Variants in NPIPB11 observed in about 807,000 individuals in gnomAD.
NPIPB11 encodes the protein nuclear pore complex-interacting protein family member B11.
A neutral mutation model predicts 32.8 loss-of-function variants in NPIPB11; 17 were observed. The ratio of observed to expected loss-of-function variants is 0.52; its 90% CI spans 0.35 to 0.78. NPIPB11 has a LOEUF of 0.78. Among genes scored for constraint, NPIPB11 ranks in the 30% least tolerant of loss-of-function variants. NPIPB11 has a pLI of 0.01. For missense variants in NPIPB11, 537 were observed against 1,000.4 expected (o/e 0.54, Z 6.25); for synonymous variants, 209 against 398.4 (o/e 0.52, Z 5.66).
At chr16:29,390,478 C>A (rs549576671) in intron 3 of NPIPB11, 130 bp from the exon 4 acceptor site, 12 of 1,418,488 alleles carry the variant, frequency 8.5e-6, no homozygotes, top group East Asian at 6.9e-5. Flanking sequence ...GATGGTGAAA[C>A]CCCATCTCTA....
chr16:29,382,324 G>T (rs765424509), exon 8 of NPIPB11: 1 of 1,562,274 alleles, frequency 6.4e-7, no homozygotes, highest in Admixed American at 1.8e-5. Flanking sequence ...ATTATCATCT[G>T]CTGAGGGTGG....
At chr16:29,396,759 C>G (rs1198871003) in intron 2 of NPIPB11, among the ~76,000 whole-genome samples, 2 of 149,704 alleles carry the variant, frequency 1.3e-5, no homozygotes, top group Non-Finnish European at 3.0e-5. Flanking sequence ...GAAACTGTCT[C>G]AAAAAAATAA....
intron 3 of NPIPB11, 25 bp downstream of exon 3, chr16:29,393,923 C>T (rs1003356266): frequency 1.3e-6 from 2 of 1,535,500 alleles, no homozygotes; most frequent in African/African-American, 2.8e-5. Flanking sequence ...ACAAGTATAC[C>T]TCTACAGAAA....
intron 2 of NPIPB11, among the ~76,000 whole-genome samples, chr16:29,402,694 C>CACTG (rs1964019947): frequency 8.9e-6 from 1 of 111,744 alleles, no homozygotes; most frequent in Non-Finnish European, 1.9e-5. Context: ...CAGAGTGAAA[C>CACTG]TCTGTCTCTC....
intron 2 of NPIPB11, among the ~76,000 whole-genome samples, chr16:29,401,116 C>T (rs112652568): frequency 0.05 from 7,632 of 152,148 alleles, 238 homozygotes; most frequent in South Asian, 0.067. Context: ...AATACATGCA[C>T]GACACGGGGG....
At chr16:29,405,895 G>A (rs1219294500), upstream of NPIPB11, among the ~76,000 whole-genome samples, 11 of 152,206 alleles carry the variant, frequency 7.2e-5, no homozygotes, top group African/African-American at 2.2e-4. Context: ...TTCCTGTGTC[G>A]ATTCAATTCA....
chr16:29,393,318 T>C (rs1345748115), intron 3 of NPIPB11, among the ~76,000 whole-genome samples: 1 of 151,600 alleles, frequency 6.6e-6, no homozygotes, highest in Admixed American at 6.6e-5. Context: ...CTCGTCCCTA[T>C]GACCTCAGAG....
intron 3 of NPIPB11, among the ~76,000 whole-genome samples, chr16:29,391,410 GCTCT>G (rs1963720327): frequency 1.4e-5 from 2 of 147,580 alleles, no homozygotes; most frequent in Admixed American, 6.9e-5. Flanking sequence ...ATTACCTTCA[GCTCT>G]CTGAGTTCTA....
intron 2 of NPIPB11, among the ~76,000 whole-genome samples, chr16:29,403,011 T>G (rs1338745708): frequency 6.6e-6 from 1 of 151,312 alleles, no homozygotes; most frequent in Non-Finnish European, 1.5e-5. Flanking sequence ...ATGTATTTAT[T>G]ATGAGTCATG....
At chr16:29,394,222 A>C in intron 2 of NPIPB11, 146 bp from the exon 3 acceptor site, 1 of 1,061,276 alleles carries the variant, frequency 9.4e-7, no homozygotes, top group South Asian at 1.6e-5. Context: ...CTGCTACAAA[A>C]AAGAACAGAA....
At chr16:29,395,822 C>CA (rs1361289801) in intron 2 of NPIPB11, among the ~76,000 whole-genome samples, 3 of 149,702 alleles carry the variant, frequency 2.0e-5, no homozygotes, top group Admixed American at 6.6e-5. Flanking sequence ...ACTAAAAATA[C>CA]AAAAAATTAG....
chr16:29,389,399 T>G (rs1408644852), intron 5 of NPIPB11, among the ~76,000 whole-genome samples: 4 of 127,824 alleles, frequency 3.1e-5, no homozygotes, highest in African/African-American at 1.2e-4. Flanking sequence ...AAAGGCTGGC[T>G]GTGGTGGCTC....
intron 2 of NPIPB11, among the ~76,000 whole-genome samples, chr16:29,403,122 G>C (rs1297637761): frequency 2.8e-5 from 4 of 145,108 alleles, no homozygotes; most frequent in Non-Finnish European, 1.5e-5. Flanking sequence ...CTGTCGCACA[G>C]TCTGGAGTGC....
intron 2 of NPIPB11, among the ~76,000 whole-genome samples, chr16:29,394,658 C>T (rs1199970047): frequency 5.9e-5 from 9 of 152,156 alleles, no homozygotes; most frequent in East Asian, 1.9e-4. Context: ...TGGCCTTGAA[C>T]TCCTGACAGG....
At chr16:29,405,347 C>A (rs574550685), upstream of NPIPB11, among the ~76,000 whole-genome samples, 4 of 151,956 alleles carry the variant, frequency 2.6e-5, no homozygotes, top group Non-Finnish European at 5.9e-5. Context: ...TTATTAAAAG[C>A]CTACTACGTG....
Position 29,382,200 on chromosome 16 carries a change from G to C in NPIPB11, c.2732C>G (p.Ser911Ter), listed in dbSNP as rs1201546326. The C allele has an allele frequency of 3.0e-6, 4 of 1,341,464 alleles. No homozygotes were observed. In the African/African-American group the frequency reaches 6.0e-5, roughly 20 times the overall value. 83.1% of individuals were successfully genotyped at this position (1,341,464 alleles called of 1,614,324 possible). A position where few individuals can be genotyped will look rare whatever the true frequency, so the allele number is the denominator to read the frequency against. The change falls in exon 8 of 8, where the codon TCA (serine) becomes TGA (stop). Residue 911 changes from serine to a stop codon, truncating the protein, a stop_gained. Coordinates refer to ENST00000524087, the Ensembl canonical transcript of NPIPB11. LOFTEE classifies it high-confidence loss of function. ...ATTATCATCTGCTGAGGGTGGAGCT[G>C]AGGGTGGAAGGGGAGTGAGCTGACG...
intron 3 of NPIPB11, among the ~76,000 whole-genome samples, chr16:29,392,637 G>A (rs1288775755): frequency 6.6e-6 from 1 of 151,374 alleles, no homozygotes; most frequent in Admixed American, 6.6e-5. Context: ...TTGAAGCCAG[G>A]AGGTGGAGGT....
chr16:29,392,566 T>A (rs956761115), intron 3 of NPIPB11, among the ~76,000 whole-genome samples: 1 of 150,798 alleles, frequency 6.6e-6, no homozygotes, highest in African/African-American at 2.4e-5. Flanking sequence ...AAAAATTTGC[T>A]GGGCATGGTG....
At chr16:29,405,149 CAT>C (rs1158587836), upstream of NPIPB11, among the ~76,000 whole-genome samples, 3 of 151,972 alleles carry the variant, frequency 2.0e-5, no homozygotes, top group Non-Finnish European at 2.9e-5. Context: ...GTGTCTGAAA[CAT>C]TAGTGCAAAT....
Sources: gnomAD v4.1 joint callset for allele counts (sites outside exome capture counted in the v4.1 genomes callset) on GRCh38, gnomAD v4.1.1 for gene constraint, MANE v1.5 for transcripts, NCBI Gene and HGNC (gene_info 2026-07-23, HGNC 2026-07-21) for gene names.